The following PLEKHA7 variants were observed in gnomAD, a reference collection of about 807,000 sequenced individuals.
PLEKHA7 encodes pleckstrin homology domain containing A7.
Under a neutral mutation model 170.0 loss-of-function variants are expected in PLEKHA7, and 104 were observed. The observed-to-expected ratio is 0.61, with a 90% confidence interval of 0.52 to 0.72. The LOEUF is 0.72. Ranked by LOEUF, PLEKHA7 falls within the 30% of genes least tolerant of loss-of-function variation. The pLI is 0.00. For missense variants in PLEKHA7, 1,615 were observed against 1,671.7 expected, an observed-to-expected ratio of 0.97 and a Z score of 0.59; for synonymous variants, 648 against 660.8, an observed-to-expected ratio of 0.98 and a Z score of 0.30.
intron 4 of PLEKHA7, among the ~76,000 whole-genome samples, chr11:16,857,687 C>T (rs951549846): frequency 7.9e-5 from 12 of 152,152 alleles, no homozygotes; most frequent in African/African-American, 2.4e-4. Flanking sequence ...CAAGGTCCAA[C>T]GACAAAAAAG....
intron 13 of PLEKHA7, among the ~76,000 whole-genome samples, chr11:16,808,150 T>A (rs1849120162): frequency 6.6e-6 from 1 of 152,250 alleles, no homozygotes; most frequent in Non-Finnish European, 1.5e-5. Context: ...TTCAAAACCA[T>A]GTTTCTCAAT....
intron 3 of PLEKHA7, among the ~76,000 whole-genome samples, chr11:16,967,618 C>G (rs1487242003): frequency 1.3e-5 from 2 of 152,150 alleles, no homozygotes; most frequent in African/African-American, 4.8e-5. Flanking sequence ...TCACAGCACC[C>G]TAAGTCCAGG....
At position 16,789,693 on chromosome 11, in the gene PLEKHA7, T is replaced by C; in HGVS notation, c.3156+82A>G. On this transcript the variant is annotated intron_variant, in intron 22 of 26. Transcript: ENST00000531066. The surrounding 1 kb of genome is among the most constrained non-coding windows in gnomAD (Gnocchi z 4.6). ...GAGGCCATCCCCAGGGCTGAAGGGA[T>C]GGCCAGTTACTGTCCCCCTGGGAGA... is the stretch of plus-strand genomic sequence containing the variant. 1 of 1,273,146 alleles carries C rather than the reference T, an allele frequency of 7.9e-7. No individual in the cohort carries two copies. The highest frequency in any genetic ancestry group is 1.1e-6 in the Non-Finnish European group (1 of 896,070). 78.9% of individuals were successfully genotyped at this position (1,273,146 alleles called of 1,614,324 possible).
intron 3 of PLEKHA7, among the ~76,000 whole-genome samples, chr11:16,929,867 G>T (rs1028464547): frequency 2.0e-5 from 3 of 152,196 alleles, no homozygotes; most frequent in Non-Finnish European, 4.4e-5. Context: ...AGCTGGGCGT[G>T]GTGGCGTGTG....
intron 3 of PLEKHA7, among the ~76,000 whole-genome samples, chr11:16,961,267 G>A (rs532211194): frequency 3.3e-5 from 5 of 152,344 alleles, no homozygotes; most frequent in East Asian, 1.9e-4. Flanking sequence ...CCAGAAGAAA[G>A]GACAGAATCT....
At chr11:16,800,594 G>A (rs553824198) in intron 17 of PLEKHA7, among the ~76,000 whole-genome samples, 1 of 152,278 alleles carries the variant, frequency 6.6e-6, no homozygotes, top group African/African-American at 2.4e-5. Context: ...GGAAGGGGTG[G>A]GCACTTCCTG....
chr11:16,974,797 C>T, intron 3 of PLEKHA7: 1 of 790,976 alleles, frequency 1.3e-6, no homozygotes, highest in Non-Finnish European at 1.6e-6. Context: ...TTGGGCTCAA[C>T]GCACTCAAGC....
chr11:16,796,053 T>C (rs1848210869), intron 17 of PLEKHA7, among the ~76,000 whole-genome samples: 3 of 151,862 alleles, frequency 2.0e-5, no homozygotes, highest in Non-Finnish European at 4.4e-5. Context: ...GAGACGCGGT[T>C]TCACCACATT....
rs573976938 is a variant in PLEKHA7, at chr11:16,789,187, C to T, written c.3266G>A (p.Arg1089Gln). ...RMKRHQKALV[R>Q]ERKRTLGQGE... ...TTGGCCCAGTGTCCTCTTGCGCTCT[C>T]GGACCAGGGCCTTCTGGTGTCGCTT... The change falls in exon 23 of 27, where the codon CGA becomes CAA. Residue 1089 changes from arginine to glutamine, a missense_variant. By Grantham distance (43) the Arg-to-Gln change is conservative (BLOSUM62 1). Transcript: ENST00000531066. This position sits in a 1 kb window ranked among gnomAD's most constrained non-coding sequence, Gnocchi z 4.6. The T allele has an allele frequency of 7.4e-6, 12 of 1,613,056 alleles. No individual in the cohort carries two copies. Among genetic ancestry groups the T allele is most frequent in the East Asian group, 4.5e-5 (2 of 44,874 alleles).
At chr11:16,959,403 T>C (rs1460697483) in intron 3 of PLEKHA7, among the ~76,000 whole-genome samples, 1 of 152,206 alleles carries the variant, frequency 6.6e-6, no homozygotes, top group African/African-American at 2.4e-5. Flanking sequence ...CTGTCTTGTG[T>C]GTGCCAGATT....
chr11:17,001,193 G>A (rs575729295), intron 3 of PLEKHA7, among the ~76,000 whole-genome samples: 16 of 152,232 alleles, frequency 1.1e-4, no homozygotes, highest in African/African-American at 3.9e-4. Context: ...CTCCTGTCTT[G>A]GACTGGGCAC....
intron 9 of PLEKHA7, among the ~76,000 whole-genome samples, chr11:16,831,958 G>A (rs1422715358): frequency 6.6e-6 from 1 of 152,194 alleles, no homozygotes; most frequent in Non-Finnish European, 1.5e-5. Flanking sequence ...TTGTAGCTGA[G>A]GATGATCATA....
intron 13 of PLEKHA7, among the ~76,000 whole-genome samples, chr11:16,811,373 AT>A (rs1849360134): frequency 6.6e-6 from 1 of 152,200 alleles, no homozygotes; most frequent in African/African-American, 2.4e-5. Flanking sequence ...CTCTACAGGT[AT>A]GTCTGAGTGG....
intron 3 of PLEKHA7, among the ~76,000 whole-genome samples, chr11:16,936,597 T>C (rs1008270092): frequency 6.6e-6 from 1 of 152,188 alleles, no homozygotes; most frequent in African/African-American, 2.4e-5. Flanking sequence ...GACACCCGAA[T>C]CATGCCTCTT....
At chr11:16,830,776 C>G (rs1851042944) in intron 9 of PLEKHA7, among the ~76,000 whole-genome samples, 1 of 152,218 alleles carries the variant, frequency 6.6e-6, no homozygotes, top group Non-Finnish European at 1.5e-5. Flanking sequence ...TAGCCTTTGC[C>G]TTCAAAGTCA....
At chr11:16,979,961 TA>T (rs1269838928) in intron 3 of PLEKHA7, among the ~76,000 whole-genome samples, 2 of 152,104 alleles carry the variant, frequency 1.3e-5, no homozygotes, top group Non-Finnish European at 2.9e-5. Flanking sequence ...CACTGGCAGG[TA>T]CACTCAGTGG....
intron 19 of PLEKHA7, among the ~76,000 whole-genome samples, chr11:16,793,338 T>C (rs1847988071): frequency 6.6e-6 from 1 of 152,232 alleles, no homozygotes; most frequent in Admixed American, 6.5e-5. Flanking sequence ...AGAGCTCCAG[T>C]CCACCTCTTG....
intron 3 of PLEKHA7, among the ~76,000 whole-genome samples, chr11:17,008,554 C>A (rs4756883): frequency 0.63 from 96,498 of 152,004 alleles, 31,279 homozygotes; most frequent in East Asian, 0.96. Flanking sequence ...ATCTCCTTCC[C>A]AGTAAGGAGT....
chr11:16,899,023 T>C (rs10832696), intron 3 of PLEKHA7, among the ~76,000 whole-genome samples: 13,077 of 152,298 alleles, frequency 0.086, 777 homozygotes, highest in Non-Finnish European at 0.13. Context: ...ATATATTCAA[T>C]GTGAAACCAA....
Sources: allele counts gnomAD v4.1 joint callset (sites outside exome capture counted in the v4.1 genomes callset), GRCh38; gene constraint gnomAD v4.1.1; non-coding constraint Gnocchi (gnomAD v3.1); transcripts MANE v1.5; gene names NCBI Gene and HGNC (gene_info 2026-07-23, HGNC 2026-07-21).